The following KCNK16 variants were observed in gnomAD, a reference collection of about 807,000 sequenced individuals.
KCNK16 encodes potassium channel subfamily K member 16.
In KCNK16, 23 loss-of-function variants were observed where a neutral mutation model predicts 23.0. The observed-to-expected ratio is 1.00, with a 90% confidence interval of 0.72 to 1.41. The LOEUF (loss-of-function observed/expected upper bound fraction) is 1.41. Ranked by LOEUF, KCNK16 falls within the 40% of genes most tolerant of loss-of-function variation. The probability of loss-of-function intolerance (pLI) is 0.00; values close to 1 mark genes in which losing one functional copy is unlikely to be tolerated. For missense variants in KCNK16, 327 were observed against 365.8 expected (o/e 0.89, Z 0.87); for synonymous variants, 145 against 153.5 (o/e 0.94, Z 0.41).
intron 4 of KCNK16, 106 bp downstream of exon 4, chr6:39,316,676 C>T: frequency 1.5e-6 from 2 of 1,369,450 alleles, no homozygotes; most frequent in Non-Finnish European, 2.0e-6. Context: ...CTTGAATGAC[C>T]AAGGGCTATC....
chr6:39,314,978 G>A (rs753781823), downstream of KCNK16: 1 of 1,568,298 alleles, frequency 6.4e-7, no homozygotes, highest in South Asian at 1.2e-5. Flanking sequence ...AAGCGTCTAG[G>A]CTGTGTGAAG....
At chr6:39,314,943 G>A (rs1451297952), downstream of KCNK16, 8 of 1,496,002 alleles carry the variant, frequency 5.3e-6, no homozygotes, top group Non-Finnish European at 4.5e-6. Flanking sequence ...GAAGGCCCCC[G>A]AAATCCCTCT....
chr6:39,314,621 G>A (rs1265631001), downstream of KCNK16: 2 of 429,196 alleles, frequency 4.7e-6, no homozygotes, highest in African/African-American at 2.1e-5. Flanking sequence ...CGCAGGCGCT[G>A]AGGGAAGGGG....
chr6:39,315,148 C>T (rs368157180), downstream of KCNK16: 6 of 1,614,132 alleles, frequency 3.7e-6, no homozygotes, highest in Admixed American at 8.3e-5. Flanking sequence ...AGGAACCCAG[C>T]CACATAGGAG....
In KCNK16 at chr6:39,317,906, A is replaced by G. The variant is rs760484110; in HGVS notation, c.375T>C (p.Cys125=). ...GGATGCCCAACAGGGCATAGAAGAC[A>G]CAGAAGACCTGACCTGCCTCTGTGC... The part of the protein sequence containing the change: ...APSTEAGQVF[C]VFYALLGIPL... Residue 125 remains cysteine (C), a synonymous_variant, in exon 3 of 5, where the codon TGT becomes TGC. Transcript: ENST00000437525. The G allele has an allele frequency of 2.7e-5, 44 of 1,613,202 alleles. No individual in the cohort carries two copies. The highest frequency in any genetic ancestry group is 5.5e-5 in the South Asian group (5 of 90,892).
rs9462526 is a variant in KCNK16, at chr6:39,316,565, T to G, written c.662-123A>C. On this transcript the variant is annotated intron_variant, in intron 4 of 4. Coordinates refer to ENST00000437525, the MANE Select transcript of KCNK16 (RefSeq NM_001135106.2). Reference sequence around the variant, plus strand: ...CTTCCTCATAACAAGGAACAGCAGTTGAGGTAGGTCTCTGCAGGGTGGTGA... The same window carrying G: ...CTTCCTCATAACAAGGAACAGCAGTGGAGGTAGGTCTCTGCAGGGTGGTGA... The G allele has an allele frequency of 5.2e-3, 6,798 of 1,315,118 alleles. 150 individuals are homozygous for G. In the African/African-American group the frequency reaches 0.061, roughly 12 times the overall value. The allele number at this position is 1,315,118 out of a possible 1,614,324, so 81.5% of individuals were successfully genotyped here.
chr6:39,314,897 C>T, downstream of KCNK16: 1 of 1,160,790 alleles, frequency 8.6e-7, no homozygotes, highest in Non-Finnish European at 1.2e-6. Context: ...GTAAGAGGAG[C>T]CTTAACCAAG....
downstream of KCNK16, chr6:39,315,241 A>G: frequency 6.2e-7 from 1 of 1,611,156 alleles, no homozygotes. Context: ...TCTCCTGGTC[A>G]GGGATGTTGC....
rs772890233 is a variant in KCNK16, at chr6:39,316,359, G to C, written c.745C>G (p.Leu249Val). ...WILLGLAWLA[L>V]ILPLGPLLLH... ...AGCAGGGGGCCCAGTGGGAGGATCA[G>C]CGCCAGCCACGCCAGGCCCAGGAGG... The change falls in exon 5 of 5, where the codon CTG becomes GTG. Residue 249 changes from leucine to valine, a missense_variant. Leu to Val is a conservative substitution (Grantham distance 32). Transcript: ENST00000437525. 4 of 1,612,596 alleles carry C rather than the reference G, an allele frequency of 2.5e-6. No individual in the cohort carries two copies. The South Asian group carries it at 4.4e-5, about 18-fold the overall frequency.
downstream of KCNK16, chr6:39,314,942 C>G: frequency 2.0e-6 from 3 of 1,496,210 alleles, no homozygotes; most frequent in Admixed American, 2.2e-5. Flanking sequence ...AGAAGGCCCC[C>G]GAAATCCCTC....
rs1762307409 is a variant in KCNK16, at chr6:39,316,270, G to A, written c.834C>T (p.Ala278=). The change falls in exon 5 of 5, where the codon GCC becomes GCT. Residue 278 remains alanine (A), a synonymous_variant. Coordinates refer to ENST00000437525, the MANE Select transcript of KCNK16 (RefSeq NM_001135106.2). ...GCCTGGGGAGCCCACTGGGGTCAGA[G>A]GCTGCCCCATCCTTGACGCCGAGGC... is the stretch of plus-strand genomic sequence containing the variant. ...SRGLGVKDGA[A]SDPSGLPRPQ... is the part of the protein sequence containing the mutation. 1 of 1,585,940 alleles carries A rather than the reference G, an allele frequency of 6.3e-7. No individual in the cohort carries two copies. The highest frequency in any genetic ancestry group is 8.6e-7 in the Non-Finnish European group (1 of 1,166,930).
Position 39,319,692 on chromosome 6 carries a change from C to T in KCNK16, c.214-559G>A, listed in dbSNP as rs1762443347. ...TTTGCTGCTCTCTAGTGAGCCTCAG[C>T]CCTTGCCTATGGGAGAAATTCTAAC... is the stretch of plus-strand genomic sequence containing the variant. On this transcript the variant is annotated intron_variant, in intron 1 of 4. Coordinates refer to ENST00000437525, the MANE Select transcript of KCNK16 (RefSeq NM_001135106.2). The surrounding 1 kb of genome is among the most constrained non-coding windows in gnomAD (Gnocchi z 4.2). 6.6e-6 allele frequency among the ~76,000 whole-genome samples: 1 copy of T among 152,012 alleles called. No homozygotes were observed. The highest frequency in any genetic ancestry group is 2.4e-5 in the African/African-American group (1 of 41,358).
chr6:39,320,107 A>G (rs918530397), intron 1 of KCNK16, among the ~76,000 whole-genome samples: 1 of 152,142 alleles, frequency 6.6e-6, no homozygotes, highest in African/African-American at 2.4e-5. Flanking sequence ...TCTGGCTTCC[A>G]ATTCCTATGG....
intron 1 of KCNK16, among the ~76,000 whole-genome samples, chr6:39,321,545 T>C (rs1254526677): frequency 6.6e-6 from 1 of 152,254 alleles, no homozygotes; most frequent in Non-Finnish European, 1.5e-5. Context: ...GAATGCTCAG[T>C]AAATGCCAGT....
At position 39,319,172 on chromosome 6, in the gene KCNK16, G is replaced by A. The variant is rs114895102; in HGVS notation, c.214-39C>T. On this transcript the variant is annotated intron_variant, in intron 1 of 4. Coordinates refer to ENST00000437525, the MANE Select transcript of KCNK16 (RefSeq NM_001135106.2). This position sits in a 1 kb window ranked among gnomAD's most constrained non-coding sequence, Gnocchi z 4.2. ...CATGGCAGGGGAGGAAGAAGGAGCT[G>A]ATGGTTACTGGGCACCAGTTGTTGC... 7,442 of 1,209,058 alleles carry A rather than the reference G, an allele frequency of 6.2e-3. 198 individuals are homozygous for A. The African/African-American group carries it at 0.069, about 11-fold the overall frequency. 74.9% of individuals were successfully genotyped at this position (1,209,058 alleles called of 1,614,324 possible). A position where few individuals can be genotyped will look rare whatever the true frequency, so the allele number is the denominator to read the frequency against.
rs575382244 is a variant in KCNK16 at position 39,319,382 on chromosome 6, T to G, written c.214-249A>C. Reference sequence around the variant, plus strand: ...CCACTGGCCAGGGCTGACTGAGGTGTGGGCTGCAAGCATGGGCTGGGGCGG... The same window carrying G: ...CCACTGGCCAGGGCTGACTGAGGTGGGGGCTGCAAGCATGGGCTGGGGCGG... On this transcript the variant is annotated intron_variant, in intron 1 of 4. Transcript: ENST00000437525. The surrounding 1 kb of genome is among the most constrained non-coding windows in gnomAD (Gnocchi z 4.2). Among the ~76,000 whole-genome samples the G allele has an allele frequency of 6.6e-6, 1 of 152,118 alleles. No homozygotes were observed. The highest frequency in any genetic ancestry group is 1.9e-4 in the East Asian group (1 of 5,172).
chr6:39,315,008 TC>T (rs1307261267), downstream of KCNK16: 2 of 1,602,608 alleles, frequency 1.2e-6, no homozygotes, highest in East Asian at 2.2e-5. Flanking sequence ...GTCCTCAGCT[TC>T]CCAGTCCTTT....
chr6:39,315,263 G>C (rs9471066), downstream of KCNK16: 7,645 of 1,596,400 alleles, frequency 4.8e-3, 163 homozygotes, highest in African/African-American at 0.058. Flanking sequence ...GTCTGGCAGG[G>C]GAAAGGCCAG....
chr6:39,316,036 G>GTC, downstream of KCNK16: 3 of 865,256 alleles, frequency 3.5e-6, no homozygotes, highest in Non-Finnish European at 4.9e-6. Context: ...CCTATCTCAC[G>GTC]TCTCCTCTCT....
Sources: allele counts gnomAD v4.1 joint callset (sites outside exome capture counted in the v4.1 genomes callset), GRCh38; gene constraint gnomAD v4.1.1; non-coding constraint Gnocchi (gnomAD v3.1); transcripts MANE v1.5; gene names NCBI Gene and HGNC (gene_info 2026-07-23, HGNC 2026-07-21).